Variants in CDH4 observed in about 807,000 individuals in gnomAD.
The protein encoded by CDH4 is cadherin-4.
CDH4 carries 33 observed loss-of-function variants against 86.0 expected under a neutral mutation model. The observed-to-expected ratio is 0.38, with a 90% CI of 0.29 to 0.51. CDH4 has a LOEUF of 0.51. Ranked by LOEUF, CDH4 falls within the 20% of genes least tolerant of loss-of-function variation. The pLI is 0.86. For synonymous variants in CDH4, 555 were observed against 549.4 expected (o/e 1.01, Z -0.14); for missense variants, 1,114 against 1,307.4 (o/e 0.85, Z 2.28).
rs140228084 is a variant in CDH4, at chr20:61,893,199, G to A, written c.1051-1711G>A. Among the ~76,000 whole-genome samples, 250 of 30,152 alleles carry A rather than the reference G, an allele frequency of 8.3e-3. 39 individuals carry two copies. The highest frequency in any genetic ancestry group is 0.027 in the African/African-American group (234 of 8,550). The allele number at this position is 30,152 out of a possible 152,430, so 19.8% of individuals were successfully genotyped here. A position where few individuals can be genotyped will look rare whatever the true frequency, so the allele number is the denominator to read the frequency against. The stretch of plus-strand genomic sequence containing the variant: ...GGTGGGTGGGTGGATAAATGAATGG[G>A]TGGCTGAATAGAGGGATAGATGGAT... On this transcript the variant is annotated intron_variant, in intron 7 of 15. Transcript: ENST00000614565.
intron 1 of CDH4, among the ~76,000 whole-genome samples, chr20:61,253,905 C>T (rs1004240978): frequency 1.4e-4 from 22 of 152,330 alleles, no homozygotes; most frequent in African/African-American, 5.3e-4. Context: ...CCTGCGCTCG[C>T]CGGGGAGCCA....
chr20:61,866,160 C>G (rs1983539429), intron 6 of CDH4, among the ~76,000 whole-genome samples: 1 of 152,140 alleles, frequency 6.6e-6, no homozygotes, highest in Non-Finnish European at 1.5e-5. Flanking sequence ...GGTGCCACCC[C>G]CTGGCATGGG....
At chr20:61,383,506 GAT>G (rs1555844226) in intron 2 of CDH4, among the ~76,000 whole-genome samples, 1 of 63,540 alleles carries the variant, frequency 1.6e-5, no homozygotes, top group Non-Finnish European at 2.9e-5. Context: ...TATTATATAT[GAT>G]ATATATGAAT....
intron 2 of CDH4, among the ~76,000 whole-genome samples, chr20:61,650,512 T>C (rs972253100): frequency 1.3e-5 from 2 of 152,208 alleles, no homozygotes; most frequent in Non-Finnish European, 2.9e-5. Flanking sequence ...AACCGGTGTA[T>C]CTTCATATTA....
chr20:61,779,094 G>A (rs560917009), intron 4 of CDH4, among the ~76,000 whole-genome samples: 30 of 152,334 alleles, frequency 2.0e-4, no homozygotes, highest in African/African-American at 6.5e-4. Flanking sequence ...TAGCATACAC[G>A]TTAGGTTTGA....
chr20:61,647,536 T>TCTCTCTCTCTCTCTCTCTCTCTCTCTCC (rs1568731924), intron 2 of CDH4, among the ~76,000 whole-genome samples: 1 of 68,770 alleles, frequency 1.5e-5, no homozygotes, highest in African/African-American at 4.5e-5. Flanking sequence ...TCTCTCTCCC[T>TCTCTCTCTCTCTCTCTCTCTCTCTCTCC]CTCCCTCTCC....
At chr20:61,616,201 C>T (rs1312401504) in intron 2 of CDH4, among the ~76,000 whole-genome samples, 7 of 152,212 alleles carry the variant, frequency 4.6e-5, no homozygotes, top group African/African-American at 1.2e-4. Context: ...CGTCTCTGAC[C>T]AGAAAGGCCG....
chr20:61,473,579 T>C (rs1481249475), intron 2 of CDH4, among the ~76,000 whole-genome samples: 2 of 152,230 alleles, frequency 1.3e-5, no homozygotes, highest in Non-Finnish European at 2.9e-5. Flanking sequence ...ATTTAACTCG[T>C]AAGCAGAAGG....
At chr20:61,645,934 G>T (rs1172476918) in intron 2 of CDH4, among the ~76,000 whole-genome samples, 1 of 152,154 alleles carries the variant, frequency 6.6e-6, no homozygotes, top group South Asian at 2.1e-4. Flanking sequence ...CCTCCTGAGG[G>T]TGGTGGATAA....
At chr20:61,454,472 GTCT>G (rs906230240) in intron 2 of CDH4, among the ~76,000 whole-genome samples, 2 of 152,136 alleles carry the variant, frequency 1.3e-5, no homozygotes, top group African/African-American at 4.8e-5. Flanking sequence ...TTGAGACGGA[GTCT>G]CACTCTGTCC....
In CDH4 at chr20:61,392,118, G is replaced by C. The variant is rs2084989755; in HGVS notation, c.169+137181G>C. Among the ~76,000 whole-genome samples the C allele has an allele frequency of 6.6e-6, 1 of 152,004 alleles. No homozygotes were observed. Among genetic ancestry groups the C allele is most frequent in the Non-Finnish European group, 1.5e-5 (1 of 68,014 alleles). Reference sequence around the variant, plus strand: ...GGCCTAGAGAGCTTTGCAGGACCAAGTGGTGGTCGGGCAGCCCGTGCTGCA... The same window carrying C: ...GGCCTAGAGAGCTTTGCAGGACCAACTGGTGGTCGGGCAGCCCGTGCTGCA... On this transcript the variant is annotated intron_variant, in intron 2 of 15. Coordinates refer to ENST00000614565, the MANE Select transcript of CDH4 (RefSeq NM_001794.5). The surrounding 1 kb of genome is among the most constrained non-coding windows in gnomAD (Gnocchi z 5.7).
intron 2 of CDH4, among the ~76,000 whole-genome samples, chr20:61,526,244 GT>G (rs1276974870): frequency 6.6e-6 from 1 of 151,656 alleles, no homozygotes; most frequent in Non-Finnish European, 1.5e-5. Context: ...TCTTCTCTTC[GT>G]AGGGATAAAC....
intron 2 of CDH4, among the ~76,000 whole-genome samples, chr20:61,478,895 G>T (rs562608441): frequency 1.3e-5 from 2 of 152,298 alleles, no homozygotes; most frequent in South Asian, 2.1e-4. Context: ...GGCCATGCAG[G>T]TTTGCCTGCG....
intron 4 of CDH4, among the ~76,000 whole-genome samples, chr20:61,834,677 C>T (rs929047037): frequency 1.3e-5 from 2 of 152,196 alleles, no homozygotes; most frequent in Non-Finnish European, 2.9e-5. Flanking sequence ...CCTCTGAGGG[C>T]GAACACGCTG....
intron 4 of CDH4, among the ~76,000 whole-genome samples, chr20:61,816,803 C>A (rs1310791401): frequency 6.6e-6 from 1 of 152,196 alleles, no homozygotes; most frequent in Non-Finnish European, 1.5e-5. Flanking sequence ...TGGGCCCAGG[C>A]CTGGGACACT....
At chr20:61,561,070 G>A (rs1937317) in intron 2 of CDH4, among the ~76,000 whole-genome samples, 51,746 of 152,144 alleles carry the variant, frequency 0.34, 9,164 homozygotes, top group African/African-American at 0.43. Flanking sequence ...TGAGGTGCCC[G>A]AGCACTCCAG....
intron 12 of CDH4, among the ~76,000 whole-genome samples, chr20:61,928,986 A>G (rs531646269): frequency 1.3e-5 from 2 of 152,002 alleles, no homozygotes; most frequent in Non-Finnish European, 2.9e-5. Context: ...GAAATTTTTT[A>G]TATATATTTA....
intron 2 of CDH4, among the ~76,000 whole-genome samples, chr20:61,739,425 C>T (rs1331753186): frequency 6.6e-6 from 1 of 152,134 alleles, no homozygotes; most frequent in African/African-American, 2.4e-5. Flanking sequence ...AGTCCTGGGG[C>T]GGGAGACACG....
chr20:61,286,765 C>A (rs1187767411), intron 2 of CDH4, among the ~76,000 whole-genome samples: 2 of 152,326 alleles, frequency 1.3e-5, no homozygotes, highest in South Asian at 4.1e-4. Flanking sequence ...TATTTATGGG[C>A]AAATTTCAAA....
Sources: gnomAD v4.1 joint callset for allele counts (sites outside exome capture counted in the v4.1 genomes callset) on GRCh38, gnomAD v4.1.1 for gene constraint, Gnocchi (gnomAD v3.1) non-coding constraint, MANE v1.5 for transcripts, NCBI Gene and HGNC (gene_info 2026-07-23, HGNC 2026-07-21) for gene names.